Variants in MYO1D observed in about 807,000 individuals in gnomAD.
MYO1D encodes the protein myosin ID, also known as unconventional myosin-Id.
Under a neutral mutation model 122.0 loss-of-function variants are expected in MYO1D, and 83 were observed. The observed-to-expected ratio is 0.68, with a 90% CI of 0.57 to 0.82. The LOEUF is 0.82. Among genes scored for constraint, MYO1D ranks in the 40% least tolerant of loss-of-function variants. MYO1D has a pLI of 0.00. For synonymous variants in MYO1D, 464 were observed against 446.9 expected (o/e 1.04, Z -0.48); for missense variants, 1,157 against 1,269.5 (o/e 0.91, Z 1.35).
intron 19 of MYO1D, among the ~76,000 whole-genome samples, chr17:32,647,020 A>G (rs2088304641): frequency 6.6e-6 from 1 of 152,202 alleles, no homozygotes; most frequent in African/African-American, 2.4e-5. Context: ...TGTTTCTTCT[A>G]TTATCCAAAA....
intron 17 of MYO1D, among the ~76,000 whole-genome samples, chr17:32,657,194 T>C (rs997383551): frequency 6.6e-6 from 1 of 152,210 alleles, no homozygotes; most frequent in Non-Finnish European, 1.5e-5. Flanking sequence ...AGGAGTGAAC[T>C]GAAACATGAT....
intron 21 of MYO1D, among the ~76,000 whole-genome samples, chr17:32,529,296 C>G (rs1910440280): frequency 6.7e-6 from 1 of 149,528 alleles, no homozygotes; most frequent in Admixed American, 6.8e-5. Flanking sequence ...GAAGGCATCA[C>G]AGAACATAGC....
chr17:32,841,232 C>T (rs1320598486), intron 1 of MYO1D, among the ~76,000 whole-genome samples: 1 of 152,044 alleles, frequency 6.6e-6, no homozygotes, highest in East Asian at 1.9e-4. Context: ...TTTGGGAGAC[C>T]TAGGCAGACA....
At chr17:32,579,514 C>T (rs1299831352) in intron 21 of MYO1D, among the ~76,000 whole-genome samples, 1 of 152,192 alleles carries the variant, frequency 6.6e-6, no homozygotes, top group African/African-American at 2.4e-5. Context: ...TAAGGCATCA[C>T]TGACATACAA....
chr17:32,712,241 C>A, intron 15 of MYO1D, 46 bp from the exon 16 acceptor site: 1 of 1,502,290 alleles, frequency 6.7e-7, no homozygotes, highest in South Asian at 1.1e-5. Flanking sequence ...ACCATATGGT[C>A]ATCTCAATAG....
intron 1 of MYO1D, among the ~76,000 whole-genome samples, chr17:32,858,053 A>G (rs538456458): frequency 1.6e-4 from 24 of 152,322 alleles, no homozygotes; most frequent in African/African-American, 5.8e-4. Flanking sequence ...TAATATTTTC[A>G]ACTGTTCCTT....
At chr17:32,661,263 A>G (rs2150954742) in intron 16 of MYO1D, among the ~76,000 whole-genome samples, 1 of 152,344 alleles carries the variant, frequency 6.6e-6, no homozygotes, top group Middle Eastern at 3.4e-3. Flanking sequence ...AAAACACACT[A>G]GCCCTTCTCT....
intron 1 of MYO1D, among the ~76,000 whole-genome samples, chr17:32,847,596 T>G (rs2090949777): frequency 6.6e-6 from 1 of 152,140 alleles, no homozygotes. Flanking sequence ...CTCATTGCAA[T>G]CTCCACCTCT....
intron 16 of MYO1D, among the ~76,000 whole-genome samples, chr17:32,676,503 G>A (rs2088811528): frequency 6.6e-6 from 1 of 151,966 alleles, no homozygotes; most frequent in South Asian, 2.1e-4. Flanking sequence ...ACTGGTTCAG[G>A]TCAATGAAAC....
intron 1 of MYO1D, among the ~76,000 whole-genome samples, chr17:32,871,787 G>A (rs150821354): frequency 1.1e-3 from 161 of 152,298 alleles, no homozygotes; most frequent in African/African-American, 3.7e-3. Context: ...GGAGCACGCC[G>A]AGGAGCAGAT....
At chr17:32,705,908 C>T (rs918889479) in intron 16 of MYO1D, among the ~76,000 whole-genome samples, 22 of 152,182 alleles carry the variant, frequency 1.4e-4, no homozygotes, top group Admixed American at 1.3e-3. Context: ...GCTCTCATCT[C>T]TCTCTTTGCC....
chr17:32,849,032 T>A (rs932062325), intron 1 of MYO1D, among the ~76,000 whole-genome samples: 1 of 152,074 alleles, frequency 6.6e-6, no homozygotes, highest in African/African-American at 2.4e-5. Flanking sequence ...GAACACAAAA[T>A]CCCTTAAAAA....
At chr17:32,778,678 A>G in intron 2 of MYO1D, 105 bp from the exon 3 acceptor site, 1 of 1,035,772 alleles carries the variant, frequency 9.7e-7, no homozygotes, top group African/African-American at 1.6e-5. Context: ...TGCATTTAAA[A>G]TCCCACATGT....
chr17:32,790,934 G>C (rs554734474), intron 1 of MYO1D, among the ~76,000 whole-genome samples: 40 of 152,306 alleles, frequency 2.6e-4, no homozygotes, highest in Admixed American at 5.2e-4. Context: ...TCTATCACTG[G>C]AACAGGGAAA....
At chr17:32,785,791 T>C (rs1239325107) in intron 1 of MYO1D, among the ~76,000 whole-genome samples, 1 of 152,226 alleles carries the variant, frequency 6.6e-6, no homozygotes, top group African/African-American at 2.4e-5. Context: ...CCTCTTTTTC[T>C]GCTGATCTCT....
chr17:32,678,347 C>T (rs571041549), intron 16 of MYO1D, among the ~76,000 whole-genome samples: 24 of 151,016 alleles, frequency 1.6e-4, no homozygotes, highest in Admixed American at 5.3e-4. Flanking sequence ...CATGCTGGTG[C>T]GCTGCACCCA....
intron 15 of MYO1D, among the ~76,000 whole-genome samples, chr17:32,719,608 C>T (rs1272088673): frequency 6.6e-6 from 1 of 152,034 alleles, no homozygotes; most frequent in Non-Finnish European, 1.5e-5. Context: ...CCTCAGCCTC[C>T]CAAAGTGCTG....
intron 14 of MYO1D, among the ~76,000 whole-genome samples, chr17:32,730,091 T>C (rs2089619974): frequency 6.6e-6 from 1 of 151,628 alleles, no homozygotes; most frequent in Non-Finnish European, 1.5e-5. Context: ...GTTTTTGTTT[T>C]GGGGGCAGGG....
intron 21 of MYO1D, among the ~76,000 whole-genome samples, chr17:32,500,606 GAAC>G (rs926746717): frequency 1.3e-5 from 2 of 152,134 alleles, no homozygotes; most frequent in Non-Finnish European, 2.9e-5. Context: ...GCTCACCACC[GAAC>G]AACAAGGGCA....
Sources: gnomAD v4.1 joint callset for allele counts (sites outside exome capture counted in the v4.1 genomes callset) on GRCh38, gnomAD v4.1.1 for gene constraint, MANE v1.5 for transcripts, NCBI Gene and HGNC (gene_info 2026-07-23, HGNC 2026-07-21) for gene names.